The following TMPRSS11F variants were observed in gnomAD, a reference collection of about 807,000 sequenced individuals.
The protein encoded by TMPRSS11F is transmembrane protease serine 11F.
A neutral mutation model predicts 60.2 loss-of-function variants in TMPRSS11F; 47 were observed. That is an observed-to-expected ratio of 0.78 (90% CI 0.62 to 1.00). TMPRSS11F has a LOEUF of 1.00. Among genes scored for constraint, TMPRSS11F ranks in the 50% least tolerant of loss-of-function variants. TMPRSS11F has a pLI of 0.00. For synonymous variants in TMPRSS11F, 166 were observed against 167.3 expected, an observed-to-expected ratio of 0.99 and a Z score of 0.06; for missense variants, 519 against 522.9, an observed-to-expected ratio of 0.99 and a Z score of 0.07.
At chr4:68,073,366 T>C (rs551734477) in intron 4 of TMPRSS11F, among the ~76,000 whole-genome samples, 69 of 152,004 alleles carry the variant, frequency 4.5e-4, no homozygotes, top group African/African-American at 1.3e-3. Flanking sequence ...CAAGAAATCT[T>C]TTCAGAATGA....
chr4:68,089,765 T>A (rs1723886307), intron 3 of TMPRSS11F, among the ~76,000 whole-genome samples: 1 of 152,104 alleles, frequency 6.6e-6, no homozygotes, highest in Non-Finnish European at 1.5e-5. Flanking sequence ...GCTAAAGTTC[T>A]CCTATTTTAT....
intron 7 of TMPRSS11F, among the ~76,000 whole-genome samples, chr4:68,068,367 T>G (rs150235446): frequency 6.6e-6 from 1 of 152,216 alleles, no homozygotes; most frequent in East Asian, 1.9e-4. Flanking sequence ...ACATATTATT[T>G]TATATAATAT....
intron 6 of TMPRSS11F, among the ~76,000 whole-genome samples, chr4:68,069,468 A>G (rs1723405237): frequency 6.6e-6 from 1 of 152,188 alleles, no homozygotes. Context: ...TTTCAAGTCA[A>G]TCTTAAAAGA....
At chr4:68,128,313 T>C (rs559674126) in intron 1 of TMPRSS11F, among the ~76,000 whole-genome samples, 1 of 152,244 alleles carries the variant, frequency 6.6e-6, no homozygotes, top group Non-Finnish European at 1.5e-5. Context: ...CTCCAAATAA[T>C]AAATGTTTGA....
Position 68,100,081 on chromosome 4 carries a change from C to T in TMPRSS11F, c.12-1043G>A, listed in dbSNP as rs187809213. 2.0e-3 allele frequency among the ~76,000 whole-genome samples: 301 copies of T among 148,884 alleles called. 1 individual carries two copies. The highest frequency in any genetic ancestry group is 7.1e-3 in the African/African-American group (289 of 40,534). ...AGGACAGAGAAAATAGCATGTGGGGCGTTGGGGGGAAGGGAGGAATGTGAA... is the reference window on the plus strand; with the variant it reads ...AGGACAGAGAAAATAGCATGTGGGGTGTTGGGGGGAAGGGAGGAATGTGAA... On this transcript the variant is annotated intron_variant, in intron 1 of 9. Coordinates refer to ENST00000356291, the MANE Select transcript of TMPRSS11F (RefSeq NM_207407.2).
At chr4:68,116,352 A>G (rs1317659604) in intron 1 of TMPRSS11F, among the ~76,000 whole-genome samples, 1 of 152,218 alleles carries the variant, frequency 6.6e-6, no homozygotes, top group Non-Finnish European at 1.5e-5. Context: ...AAAAATGCAC[A>G]GATAAATGGA....
chr4:68,082,420 T>C (rs1458626544), intron 3 of TMPRSS11F, among the ~76,000 whole-genome samples: 1 of 152,148 alleles, frequency 6.6e-6, no homozygotes, highest in Non-Finnish European at 1.5e-5. Flanking sequence ...TTCCTCCAAA[T>C]AGCTCTGACC....
At chr4:68,087,697 T>TTTTATTTA (rs71218930) in intron 3 of TMPRSS11F, among the ~76,000 whole-genome samples, 1,761 of 149,222 alleles carry the variant, frequency 0.012, 22 homozygotes, top group South Asian at 0.019. Context: ...ATTAGTAGCA[T>TTTTATTTA]TTTATTTATT....
chr4:68,100,780 T>A (rs1418905818), intron 1 of TMPRSS11F, among the ~76,000 whole-genome samples: 2 of 152,182 alleles, frequency 1.3e-5, no homozygotes, highest in African/African-American at 4.8e-5. Context: ...GTCACTAATA[T>A]CTGTTTATAT....
intron 3 of TMPRSS11F, among the ~76,000 whole-genome samples, chr4:68,076,036 G>GAAAAATCA (rs1723577626): frequency 6.6e-6 from 1 of 151,720 alleles, no homozygotes; most frequent in Non-Finnish European, 1.5e-5. Flanking sequence ...CTTACAGCAG[G>GAAAAATCA]AAAAATCAAA....
chr4:68,097,035 G>A (rs1724088604), intron 2 of TMPRSS11F, among the ~76,000 whole-genome samples: 2 of 152,024 alleles, frequency 1.3e-5, no homozygotes, highest in South Asian at 4.1e-4. Flanking sequence ...CATTCTACTT[G>A]TTTAACTTTT....
intron 3 of TMPRSS11F, among the ~76,000 whole-genome samples, chr4:68,087,694 G>A (rs1411395779): frequency 1.1e-5 from 1 of 94,974 alleles, no homozygotes; most frequent in African/African-American, 4.0e-5. Flanking sequence ...ACAATTAGTA[G>A]CATTTTATTT....
At chr4:68,061,218 T>C (rs1723166790) in intron 8 of TMPRSS11F, among the ~76,000 whole-genome samples, 2 of 152,192 alleles carry the variant, frequency 1.3e-5, no homozygotes, top group Non-Finnish European at 2.9e-5. Flanking sequence ...CATACAACTT[T>C]TACATACTTC....
At chr4:68,122,251 A>G (rs1219526777) in intron 1 of TMPRSS11F, among the ~76,000 whole-genome samples, 5 of 152,154 alleles carry the variant, frequency 3.3e-5, no homozygotes, top group South Asian at 4.1e-4. Context: ...GTGTAAAAAT[A>G]CCTAAAATTC....
At chr4:68,128,404 G>A (rs1027646166) in intron 1 of TMPRSS11F, among the ~76,000 whole-genome samples, 6 of 151,910 alleles carry the variant, frequency 3.9e-5, no homozygotes, top group Admixed American at 1.3e-4. Flanking sequence ...CCATAAATAC[G>A]TAGAATTATT....
At chr4:68,089,866 T>C (rs1032733657) in intron 3 of TMPRSS11F, among the ~76,000 whole-genome samples, 1 of 152,040 alleles carries the variant, frequency 6.6e-6, no homozygotes, top group Non-Finnish European at 1.5e-5. Context: ...AGAATAACTC[T>C]TATAAGTTTA....
intron 3 of TMPRSS11F, among the ~76,000 whole-genome samples, chr4:68,078,288 T>C (rs919136733): frequency 7.9e-5 from 12 of 152,188 alleles, no homozygotes; most frequent in Admixed American, 3.3e-4. Context: ...CTACAACTTT[T>C]TTCCCCCCTG....
At position 68,128,997 on chromosome 4, in the gene TMPRSS11F, C is replaced by T. The variant is rs564035401; in HGVS notation, c.11+813G>A. Among the ~76,000 whole-genome samples the T allele has an allele frequency of 2.8e-4, 42 of 152,140 alleles. No homozygotes were observed. In the South Asian group the frequency reaches 4.4e-3, roughly 16 times the overall value. ...AATGACTGAACAATTAAAATTATCACAAAATCATGATTAAGTTGGAAACAT... is the reference window on the plus strand; with the variant it reads ...AATGACTGAACAATTAAAATTATCATAAAATCATGATTAAGTTGGAAACAT... On this transcript the variant is annotated intron_variant, in intron 1 of 9. Coordinates refer to ENST00000356291, the MANE Select transcript of TMPRSS11F (RefSeq NM_207407.2).
intron 3 of TMPRSS11F, 76 bp from the exon 4 acceptor site, chr4:68,074,085 T>G: frequency 1.1e-6 from 1 of 917,138 alleles, no homozygotes; most frequent in Non-Finnish European, 1.6e-6. Context: ...AAAGAAGTAT[T>G]AGTCTTAAGA....
Sources: gnomAD v4.1 joint callset for allele counts (sites outside exome capture counted in the v4.1 genomes callset) on GRCh38, gnomAD v4.1.1 for gene constraint, MANE v1.5 for transcripts, NCBI Gene and HGNC (gene_info 2026-07-23, HGNC 2026-07-21) for gene names.